Variants in JCAD observed in about 807,000 individuals in gnomAD.
JCAD encodes the protein junctional cadherin 5-associated protein.
A neutral mutation model predicts 98.0 loss-of-function variants in JCAD; 40 were observed. The ratio of observed to expected loss-of-function variants is 0.41; its 90% CI spans 0.32 to 0.53. The LOEUF (loss-of-function observed/expected upper bound fraction) is 0.53, where lower values mean the gene tolerates loss of function less well. JCAD is among the 20% of genes least tolerant of loss of function. The pLI, the probability that JCAD is intolerant of heterozygous loss-of-function variation, is 0.31. For synonymous variants in JCAD, 691 were observed against 682.3 expected, an observed-to-expected ratio of 1.01 and a Z score of -0.20; for missense variants, 1,705 against 1,738.1, an observed-to-expected ratio of 0.98 and a Z score of 0.34.
At chr10:30,071,013 A>C in intron 1 of JCAD, among the ~76,000 whole-genome samples, 1 of 152,076 alleles carries the variant, frequency 6.6e-6, no homozygotes, top group East Asian at 1.9e-4. Flanking sequence ...TCAAGCAATT[A>C]TCCTGCTCAG....
chr10:30,061,151 C>A (rs1837694319), upstream of JCAD, among the ~76,000 whole-genome samples: 1 of 152,130 alleles, frequency 6.6e-6, no homozygotes, highest in Non-Finnish European at 1.5e-5. Context: ...TCCTCTCTAA[C>A]AAAGTGGGGG....
At position 30,027,584 on chromosome 10, in the gene JCAD, C is replaced by T; in HGVS notation, c.2564G>A (p.Ser855Asn). The part of the protein sequence containing the change: ...EEESSSSSSS[S>N]SSSSEESEAE... ...CTCACTCTCCTCACTGCTGCTGCTG[C>T]TGCTGCTGCTGCTACTGCTGCTTTC... The change falls in exon 3 of 4, where the codon AGC becomes AAC. Residue 855 changes from serine (S) to asparagine (N), a missense_variant. Around this residue, in one of 3 missense-constraint regions of JCAD, gnomAD observed 1,278 missense variants for 1,243.1 expected, o/e 1.03. Transcript: ENST00000375377. 6.2e-7 allele frequency: 1 copy of T among 1,614,180 alleles called. No homozygotes were observed. The highest frequency in any genetic ancestry group is 1.3e-5 in the African/African-American group (1 of 75,066).
At chr10:30,114,185 C>G (rs570119922) in intron 1 of JCAD, among the ~76,000 whole-genome samples, 61 of 152,282 alleles carry the variant, frequency 4.0e-4, no homozygotes, top group Non-Finnish European at 7.8e-4. Flanking sequence ...TCAACCTCAC[C>G]CGTAATCTGA....
chr10:30,075,682 C>T (rs1459551648), intron 1 of JCAD, among the ~76,000 whole-genome samples: 2 of 152,154 alleles, frequency 1.3e-5, no homozygotes, highest in East Asian at 3.9e-4. Context: ...CCAGCAGACG[C>T]CAACCTGTCA....
chr10:30,026,444 C>T lies in JCAD; in HGVS notation c.3704G>A (p.Ser1235Asn), dbSNP rs576240054. Residue 1235 changes from serine to asparagine, a missense_variant, in exon 3 of 4, where the codon AGC becomes AAC. By Grantham distance (46) the Ser-to-Asn change is conservative (BLOSUM62 1). This residue lies in a region of JCAD where 1,278 missense variants were observed against 1,243.1 expected (regional missense o/e 1.03). Coordinates refer to ENST00000375377, the MANE Select transcript of JCAD (RefSeq NM_020848.4). Reference protein sequence around the residue: ...SVAGSEKRLRSPSKVIESLQE... With the variant: ...SVAGSEKRLRNPSKVIESLQE... ...TAAACTTTCAATCACTTTGGAAGGG[C>T]TTCTAAGTCTCTTTTCAGAGCCTGC... 1 of 1,614,234 alleles carries T rather than the reference C, an allele frequency of 6.2e-7. No homozygotes were observed.
At chr10:30,066,280 C>A (rs1837782140) in intron 2 of JCAD, among the ~76,000 whole-genome samples, 1 of 152,156 alleles carries the variant, frequency 6.6e-6, no homozygotes, top group Non-Finnish European at 1.5e-5. Flanking sequence ...CAATCCTATA[C>A]CTCCACTGTG....
intron 3 of JCAD, among the ~76,000 whole-genome samples, chr10:30,022,477 TAAC>T (rs1836681658): frequency 1.3e-5 from 2 of 152,258 alleles, no homozygotes; most frequent in South Asian, 4.1e-4. Context: ...CTCAGTGACT[TAAC>T]AACAAGGCTT....
Position 30,025,916 on chromosome 10 carries a change from C to T in JCAD, c.4045+187G>A, listed in dbSNP as rs1810971166. 2.6e-5 allele frequency: 18 copies of T among 698,870 alleles called. No individual in the cohort carries two copies. The South Asian group carries it at 3.4e-4, about 13-fold the overall frequency. The allele number at this position is 698,870 out of a possible 1,614,324, so 43.3% of individuals were successfully genotyped here. ...AAAAAAATAAAATATACTGCAAGAT[C>T]TTGAATTTTAAAGATGGCTTCTGGA... On this transcript the variant is annotated intron_variant, in intron 3 of 3. Coordinates refer to ENST00000375377, the MANE Select transcript of JCAD (RefSeq NM_020848.4).
chr10:30,060,110 T>TATAC (rs1554799281), upstream of JCAD, among the ~76,000 whole-genome samples: 4 of 149,988 alleles, frequency 2.7e-5, no homozygotes, highest in African/African-American at 9.8e-5. Flanking sequence ...AGTATGGCTA[T>TATAC]ACACACACAC....
At chr10:30,065,771 G>T (rs1010096744) in intron 2 of JCAD, among the ~76,000 whole-genome samples, 1 of 152,152 alleles carries the variant, frequency 6.6e-6, no homozygotes, top group Admixed American at 6.5e-5. Context: ...AAAGTGGTGG[G>T]ATTAGAGGCA....
In JCAD at chr10:30,026,112, A is replaced by G; in HGVS notation, c.4036T>C (p.Trp1346Arg). 2 of 1,614,186 alleles carry G rather than the reference A, an allele frequency of 1.2e-6. No homozygotes were observed. The highest frequency in any genetic ancestry group is 1.7e-6 in the Non-Finnish European group (2 of 1,180,036). Residue 1346 changes from tryptophan to arginine, a missense_variant, in exon 3 of 4, where the codon TGG (tryptophan) becomes CGG (arginine). Physicochemically the swap from Trp to Arg is moderately radical, Grantham distance 101 (BLOSUM62 -3). Around this residue, in one of 3 missense-constraint regions of JCAD, gnomAD observed 1,278 missense variants for 1,243.1 expected, o/e 1.03. Transcript: ENST00000375377. Reference sequence around the variant, plus strand: ...CTGCCTGATTCCTCACCTGGGCACCAGAAGTCTTGATCCATGCTCTTCTCC... The same window carrying G: ...CTGCCTGATTCCTCACCTGGGCACCGGAAGTCTTGATCCATGCTCTTCTCC... ...QKEKSMDQDF[W>R]CPDSYDPSRV...
chr10:30,093,711 C>T (rs746224972), intron 1 of JCAD, among the ~76,000 whole-genome samples: 1 of 152,176 alleles, frequency 6.6e-6, no homozygotes, highest in African/African-American at 2.4e-5. Context: ...ACGGGAATCC[C>T]GGGGATAGAG....
At chr10:30,100,943 G>A (rs1838461505) in intron 1 of JCAD, among the ~76,000 whole-genome samples, 1 of 152,180 alleles carries the variant, frequency 6.6e-6, no homozygotes, top group African/African-American at 2.4e-5. Context: ...TCCAAGTCAG[G>A]CAGATTCAAA....
rs747895936 is a variant in JCAD, at chr10:30,029,018, G to A, written c.1130C>T (p.Thr377Ile). Residue 377 changes from threonine to isoleucine, a missense_variant, in exon 3 of 4, where the codon ACC becomes ATC. By Grantham distance (89) the Thr-to-Ile change is moderately conservative. Around this residue, in one of 3 missense-constraint regions of JCAD, gnomAD observed 275 missense variants for 346.9 expected, o/e 0.79. Coordinates refer to ENST00000375377, the MANE Select transcript of JCAD (RefSeq NM_020848.4). ...CTGACCGCTGGCCCCAGCCTTCTCGGTCGGAGACTGCTGTTGACTGTGACC... is the reference window on the plus strand; with the variant it reads ...CTGACCGCTGGCCCCAGCCTTCTCGATCGGAGACTGCTGTTGACTGTGACC... Reference protein sequence around the residue: ...CGGHSQQQSPTEKAGASGQPP... With the variant: ...CGGHSQQQSPIEKAGASGQPP... The A allele has an allele frequency of 1.2e-6, 2 of 1,614,112 alleles. No individual in the cohort carries two copies. Among genetic ancestry groups the A allele is most frequent in the South Asian group, 1.1e-5 (1 of 91,074 alleles).
intron 3 of JCAD, among the ~76,000 whole-genome samples, chr10:30,025,530 A>G (rs1369056626): frequency 5.5e-5 from 3 of 54,162 alleles, no homozygotes; most frequent in African/African-American, 2.0e-4. Flanking sequence ...AAAGAAAAAA[A>G]TGGGAAGGGG....
intron 3 of JCAD, among the ~76,000 whole-genome samples, chr10:30,023,754 G>A (rs771227396): frequency 4.0e-5 from 6 of 151,784 alleles, no homozygotes; most frequent in Admixed American, 2.6e-4. Flanking sequence ...ACCCAAAAAC[G>A]TCATGAGGGA....
chr10:30,046,388 T>C (rs974455169), intron 2 of JCAD, among the ~76,000 whole-genome samples: 1 of 152,170 alleles, frequency 6.6e-6, no homozygotes, highest in Admixed American at 6.5e-5. Context: ...CAGATGCAGC[T>C]GTATTCAGAT....
At chr10:30,074,140 A>G (rs1366983509) in intron 1 of JCAD, among the ~76,000 whole-genome samples, 2 of 152,162 alleles carry the variant, frequency 1.3e-5, no homozygotes, top group African/African-American at 4.8e-5. Context: ...CTCTGACAGT[A>G]AATTCGGAGT....
At chr10:30,092,099 T>TAA (rs1491386901) in intron 1 of JCAD, among the ~76,000 whole-genome samples, 3,282 of 9,024 alleles carry the variant, frequency 0.36, 425 homozygotes, top group African/African-American at 0.54. Context: ...AAAGTTACTT[T>TAA]ATATATATAT....
Sources: allele counts gnomAD v4.1 joint callset (sites outside exome capture counted in the v4.1 genomes callset), GRCh38; gene constraint gnomAD v4.1.1; regional missense constraint gnomAD v4.1.1; transcripts MANE v1.5; gene names NCBI Gene and HGNC (gene_info 2026-07-23, HGNC 2026-07-21).